CER1: variants seen among roughly 807,000 people sequenced by gnomAD.
The protein encoded by CER1 is cerberus.
A neutral mutation model predicts 11.8 loss-of-function variants in CER1; 10 were observed. That is an observed-to-expected ratio of 0.85 (90% CI 0.52 to 1.44). The LOEUF (loss-of-function observed/expected upper bound fraction) is 1.44. Ranked by LOEUF, CER1 falls within the 40% of genes most tolerant of loss-of-function variation. CER1 has a pLI of 0.00. For synonymous variants in CER1, 141 were observed against 122.3 expected, an observed-to-expected ratio of 1.15 and a Z score of -1.01; for missense variants, 431 against 327.0, an observed-to-expected ratio of 1.32 and a Z score of -2.45.
chr9:14,720,025 G>T lies in CER1; in HGVS notation c.*65C>A, dbSNP rs1839985368. ...GTTATGTACCCACTTAACATTTTCA[G>T]ACTGAATAATCAGCATCTTTGCTGT... On this transcript the variant is annotated 3_prime_UTR_variant, in exon 2 of 2. Transcript: ENST00000380911. 2.7e-6 allele frequency: 4 copies of T among 1,497,198 alleles called. No individual in the cohort carries two copies. Among genetic ancestry groups the T allele is most frequent in the Non-Finnish European group, 3.7e-6 (4 of 1,082,692 alleles). The allele number at this position is 1,497,198 out of a possible 1,614,324, so 92.7% of individuals were successfully genotyped here. A position where few individuals can be genotyped will look rare whatever the true frequency, so the allele number is the denominator to read the frequency against.
chr9:14,719,583 C>CTTCCTTCCTTCT (rs1587561386), downstream of CER1: 284 of 134,998 alleles, frequency 2.1e-3, 1 homozygote, highest in East Asian at 8.2e-3. Context: ...TCCTTCCTTC[C>CTTCCTTCCTTCT]TTCCTTCCTT....
At chr9:14,720,917 A>T (rs919872015) in intron 1 of CER1, among the ~76,000 whole-genome samples, 1 of 152,214 alleles carries the variant, frequency 6.6e-6, no homozygotes, top group Admixed American at 6.5e-5. Flanking sequence ...CCTGCAAATC[A>T]TTGTATATTA....
chr9:14,719,223 T>C (rs541710047), downstream of CER1, among the ~76,000 whole-genome samples: 246 of 152,336 alleles, frequency 1.6e-3, 3 homozygotes, highest in Non-Finnish European at 9.4e-4. Context: ...AGTAGTCATG[T>C]ATTTTTCCTT....
rs2131792306 is a variant in CER1 at position 14,722,314 on chromosome 9, T to C, written c.359A>G (p.Lys120Arg). Reference sequence around the variant, plus strand: ...TTCCCGAAGAGGAGATTTCTCCATTTTCATTCCATCTATCGGCTGGATGAG... The same window carrying C: ...TTCCCGAAGAGGAGATTTCTCCATTCTCATTCCATCTATCGGCTGGATGAG... Reference protein sequence around the residue: ...QSLIQPIDGMKMEKSPLREEA... With the variant: ...QSLIQPIDGMRMEKSPLREEA... Residue 120 changes from lysine to arginine, a missense_variant, in exon 1 of 2, where the codon AAA (lysine) becomes AGA (arginine). Physicochemically the swap from Lys to Arg is conservative, Grantham distance 26. Transcript: ENST00000380911. 6.2e-7 allele frequency: 1 copy of C among 1,614,244 alleles called. No homozygotes were observed. The highest frequency in any genetic ancestry group is 1.1e-5 in the South Asian group (1 of 91,084).
chr9:14,721,824 T>A (rs150126372), intron 1 of CER1, among the ~76,000 whole-genome samples: 20 of 152,262 alleles, frequency 1.3e-4, no homozygotes, highest in African/African-American at 4.8e-4. Flanking sequence ...ATTCTCAGTT[T>A]CCTAACTGAG....
chr9:14,719,393 C>T (rs975762976), downstream of CER1, among the ~76,000 whole-genome samples: 1 of 152,166 alleles, frequency 6.6e-6, no homozygotes, highest in African/African-American at 2.4e-5. Flanking sequence ...AAGCAAGTTA[C>T]TCCTTACATC....
In CER1 at chr9:14,722,173, A is replaced by C; in HGVS notation, c.500T>G (p.Phe167Cys). 1 of 1,613,038 alleles carries C rather than the reference A, an allele frequency of 6.2e-7. No homozygotes were observed. The highest frequency in any genetic ancestry group is 8.5e-7 in the Non-Finnish European group (1 of 1,179,356). Residue 167 changes from phenylalanine to cysteine, a missense_variant, in exon 1 of 2, where the codon TTC becomes TGC. Coordinates refer to ENST00000380911, the MANE Select transcript of CER1 (RefSeq NM_005454.3). The part of the protein sequence containing the change: ...VHWETCRTVP[F>C]SQTITHEGCE... ...TCCCCCCAGAACACATACCTGGCTG[A>C]AGGGCACTGTCCTGCAGGTCTCCCA...
At chr9:14,718,848 T>C (rs1839967764), downstream of CER1, among the ~76,000 whole-genome samples, 1 of 152,146 alleles carries the variant, frequency 6.6e-6, no homozygotes. Context: ...AAGAAACCCT[T>C]GGTCCAGTGT....
chr9:14,722,074 G>T, intron 1 of CER1, 92 bp downstream of exon 1: 1 of 1,401,420 alleles, frequency 7.1e-7, no homozygotes, highest in Non-Finnish European at 9.7e-7. Context: ...CTAGAGTCAG[G>T]CTCCTGACAG....
downstream of CER1, among the ~76,000 whole-genome samples, chr9:14,718,070 A>T (rs1198801330): frequency 6.6e-6 from 1 of 152,196 alleles, no homozygotes; most frequent in East Asian, 1.9e-4. Flanking sequence ...ATTGAATATG[A>T]GCAATTTTGT....
intron 1 of CER1, among the ~76,000 whole-genome samples, chr9:14,721,887 T>C (rs906448016): frequency 1.3e-5 from 2 of 152,004 alleles, no homozygotes; most frequent in Non-Finnish European, 2.9e-5. Flanking sequence ...CAAAAATAAA[T>C]AAATAAAACA....
At position 14,722,326 on chromosome 9, in the gene CER1, A is replaced by G. The variant is rs1333675684; in HGVS notation, c.347T>C (p.Ile116Thr). 6.8e-6 allele frequency: 11 copies of G among 1,614,118 alleles called. No individual in the cohort carries two copies. Among genetic ancestry groups the G allele is most frequent in the Non-Finnish European group, 9.3e-6 (11 of 1,180,006 alleles). ...AGATTTCTCCATTTTCATTCCATCT[A>G]TCGGCTGGATGAGGGACTGGGTCCC... ...PPGTQSLIQP[I>T]DGMKMEKSPL... Residue 116 changes from isoleucine (I) to threonine (T), a missense_variant, in exon 1 of 2, where the codon ATA (isoleucine) becomes ACA (threonine). Physicochemically the swap from Ile to Thr is moderately conservative, Grantham distance 89. Transcript: ENST00000380911.
At position 14,720,357 on chromosome 9, in the gene CER1, T is replaced by C; in HGVS notation, c.537A>G (p.Val179=). Reference sequence around the variant, plus strand: ...CAAAGCAAAGGTTGTTCTGAACAACTACTTTTTCACAGCCTTCGTGGGTTA... The same window carrying C: ...CAAAGCAAAGGTTGTTCTGAACAACCACTTTTTCACAGCCTTCGTGGGTTA... ...QTITHEGCEK[V]VVQNNLCFGK... is the part of the protein sequence containing the mutation. The change falls in exon 2 of 2, where the codon GTA becomes GTG. Residue 179 remains valine, a synonymous_variant. Transcript: ENST00000380911. The C allele has an allele frequency of 3.1e-6, 5 of 1,612,768 alleles. No homozygotes were observed. The highest frequency in any genetic ancestry group is 2.2e-5 in the East Asian group (1 of 44,850).
chr9:14,719,353 A>T (rs1394475378), downstream of CER1, among the ~76,000 whole-genome samples: 1 of 152,194 alleles, frequency 6.6e-6, no homozygotes, highest in Non-Finnish European at 1.5e-5. Context: ...AGTACTTTAT[A>T]TGAGGAGTAT....
chr9:14,720,460 C>T (rs1182152165), intron 1 of CER1, 74 bp from the exon 2 acceptor site: 7 of 1,373,768 alleles, frequency 5.1e-6, no homozygotes, highest in Non-Finnish European at 6.9e-6. Flanking sequence ...AAGCTATGGA[C>T]TGTAAATCTG....
At chr9:14,718,981 T>C (rs1839969054), downstream of CER1, among the ~76,000 whole-genome samples, 1 of 152,222 alleles carries the variant, frequency 6.6e-6, no homozygotes, top group African/African-American at 2.4e-5. Context: ...ATGCTTCATA[T>C]ACTAAAATTT....
chr9:14,722,075 C>T lies in CER1; in HGVS notation c.507+91G>A, dbSNP rs144026835. ...AATCTGTAGTTAAGCTAGAGTCAGG[C>T]TCCTGACAGCCTTTTCCCCTACTCT... On this transcript the variant is annotated intron_variant, in intron 1 of 1. Transcript: ENST00000380911. The T allele has an allele frequency of 6.1e-4, 857 of 1,412,120 alleles. 4 individuals are homozygous for T. The African/African-American group carries it at 0.011, about 18-fold the overall frequency. 87.5% of individuals were successfully genotyped at this position (1,412,120 alleles called of 1,614,324 possible). A position where few individuals can be genotyped will look rare whatever the true frequency, so the allele number is the denominator to read the frequency against.
At position 14,719,975 on chromosome 9, in the gene CER1, T is replaced by C. The variant is rs963037716; in HGVS notation, c.*115A>G. Reference sequence around the variant, plus strand: ...TCTATCGTTCTAATTTAAAACTACGTTTCAAGTCACCTTTCCCTGAAAATG... The same window carrying C: ...TCTATCGTTCTAATTTAAAACTACGCTTCAAGTCACCTTTCCCTGAAAATG... On this transcript the variant is annotated 3_prime_UTR_variant, in exon 2 of 2. Coordinates refer to ENST00000380911, the MANE Select transcript of CER1 (RefSeq NM_005454.3). The C allele has an allele frequency of 2.1e-6, 2 of 957,334 alleles. No homozygotes were observed. Among genetic ancestry groups the C allele is most frequent in the South Asian group, 3.1e-5 (2 of 63,582 alleles). The allele number at this position is 957,334 out of a possible 1,614,324, so 59.3% of individuals were successfully genotyped here.
At position 14,722,315 on chromosome 9, in the gene CER1, T is replaced by C; in HGVS notation, c.358A>G (p.Lys120Glu). The change falls in exon 1 of 2, where the codon AAA becomes GAA. Residue 120 changes from lysine to glutamate, a missense_variant. Lys to Glu is a moderately conservative substitution (Grantham distance 56). Transcript: ENST00000380911. ...QSLIQPIDGM[K>E]MEKSPLREEA... ...TCCCGAAGAGGAGATTTCTCCATTT[T>C]CATTCCATCTATCGGCTGGATGAGG... is the stretch of plus-strand genomic sequence containing the variant. 1 of 1,614,244 alleles carries C rather than the reference T, an allele frequency of 6.2e-7. No homozygotes were observed. The highest frequency in any genetic ancestry group is 8.5e-7 in the Non-Finnish European group (1 of 1,180,038).
Sources: allele counts gnomAD v4.1 joint callset (sites outside exome capture counted in the v4.1 genomes callset), GRCh38; gene constraint gnomAD v4.1.1; transcripts MANE v1.5; gene names NCBI Gene and HGNC (gene_info 2026-07-23, HGNC 2026-07-21).